Variants in SLCO1B3 observed in about 807,000 individuals in gnomAD.
The protein encoded by SLCO1B3 is liver-specific organic anion transporter 2.
Under a neutral mutation model 71.8 loss-of-function variants are expected in SLCO1B3, and 72 were observed. The ratio of observed to expected loss-of-function variants is 1.00; its 90% confidence interval spans 0.83 to 1.22. SLCO1B3 has a LOEUF of 1.22. Among genes scored for constraint, SLCO1B3 ranks in the 50% most tolerant of loss-of-function variants. SLCO1B3 has a pLI of 0.00. For missense variants in SLCO1B3, 911 were observed against 819.7 expected, an observed-to-expected ratio of 1.11 and a Z score of -1.36; for synonymous variants, 298 against 278.4, an observed-to-expected ratio of 1.07 and a Z score of -0.70.
intron 10 of SLCO1B3, among the ~76,000 whole-genome samples, chr12:20,878,981 G>C (rs937502765): frequency 2.0e-5 from 3 of 152,064 alleles, no homozygotes; most frequent in Non-Finnish European, 4.4e-5. Flanking sequence ...TTAGATGGTA[G>C]GATAGAAATC....
chr12:20,881,796 A>G (rs1284481925), intron 12 of SLCO1B3, among the ~76,000 whole-genome samples: 2 of 152,298 alleles, frequency 1.3e-5, no homozygotes, highest in Admixed American at 6.5e-5. Flanking sequence ...CACAAGTTGC[A>G]TAACTATTTT....
At position 20,901,368 on chromosome 12, in the gene SLCO1B3, T is replaced by A; in HGVS notation, c.1766T>A (p.Ile589Lys). The change falls in exon 15 of 16, where the codon ATA becomes AAA. Residue 589 changes from isoleucine (I) to lysine (K), a missense_variant. Coordinates refer to ENST00000381545, the MANE Select transcript of SLCO1B3 (RefSeq NM_019844.4). ...IRTLGGILAP[I>K]YFGALIDKTC... ...GTTGCAGGAGGAATTCTAGCTCCAATATATTTTGGGGCTCTGATTGATAAA... is the reference window on the plus strand; with the variant it reads ...GTTGCAGGAGGAATTCTAGCTCCAAAATATTTTGGGGCTCTGATTGATAAA... 6.3e-7 allele frequency: 1 copy of A among 1,579,668 alleles called. No homozygotes were observed. Among genetic ancestry groups the A allele is most frequent in the South Asian group, 1.2e-5 (1 of 83,502 alleles).
chr12:20,818,830 A>T (rs1049070812), intron 3 of SLCO1B3, among the ~76,000 whole-genome samples: 1 of 152,230 alleles, frequency 6.6e-6, no homozygotes, highest in African/African-American at 2.4e-5. Flanking sequence ...GATGAACATC[A>T]GGTGGATCAG....
At chr12:20,890,776 A>G (rs923780240) in intron 13 of SLCO1B3, among the ~76,000 whole-genome samples, 1 of 152,038 alleles carries the variant, frequency 6.6e-6, no homozygotes, top group Non-Finnish European at 1.5e-5. Flanking sequence ...CTTCTTTGTC[A>G]TTATTTATGG....
At chr12:20,859,339 G>A (rs6487161) in intron 5 of SLCO1B3, among the ~76,000 whole-genome samples, 110,125 of 151,994 alleles carry the variant, frequency 0.72, 42,481 homozygotes, top group South Asian at 0.9. Flanking sequence ...CCAGGCTTCC[G>A]TATTTCCAGC....
At chr12:20,821,246 T>TG (rs1864298343) in intron 3 of SLCO1B3, among the ~76,000 whole-genome samples, 1 of 152,176 alleles carries the variant, frequency 6.6e-6, no homozygotes, top group African/African-American at 2.4e-5. Context: ...TTGCCCGTTT[T>TG]ACGACAAGAA....
At chr12:20,837,700 A>T (rs1864712324) in intron 3 of SLCO1B3, among the ~76,000 whole-genome samples, 1 of 152,112 alleles carries the variant, frequency 6.6e-6, no homozygotes, top group Middle Eastern at 3.2e-3. Flanking sequence ...TTTTGAAAAT[A>T]AATTGGATAA....
chr12:20,841,465 A>G (rs10770749), intron 3 of SLCO1B3, among the ~76,000 whole-genome samples: 109,978 of 151,894 alleles, frequency 0.72, 42,396 homozygotes, highest in South Asian at 0.9. Flanking sequence ...CCAAATATGT[A>G]GGGATTCTTA....
intron 11 of SLCO1B3, 86 bp downstream of exon 11, chr12:20,879,717 A>G: frequency 3.4e-6 from 3 of 877,714 alleles, no homozygotes; most frequent in South Asian, 2.5e-5. Flanking sequence ...GTAGAAAACA[A>G]TTGTAATTAA....
intron 13 of SLCO1B3, among the ~76,000 whole-genome samples, chr12:20,894,313 A>G (rs535567592): frequency 1.3e-5 from 2 of 152,316 alleles, no homozygotes; most frequent in East Asian, 3.9e-4. Context: ...GCGTGTGCAC[A>G]TCAGTGAGGA....
intron 3 of SLCO1B3, among the ~76,000 whole-genome samples, chr12:20,840,783 A>G (rs1410355632): frequency 1.3e-5 from 2 of 152,178 alleles, no homozygotes; most frequent in African/African-American, 2.4e-5. Flanking sequence ...CCTTTACCTC[A>G]GGTCAGTTAA....
chr12:20,836,260 C>T (rs1425054342), intron 3 of SLCO1B3, among the ~76,000 whole-genome samples: 1 of 152,172 alleles, frequency 6.6e-6, no homozygotes, highest in Non-Finnish European at 1.5e-5. Flanking sequence ...TTATAAATAT[C>T]ATCTTTTCAA....
Position 20,916,254 on chromosome 12 carries a change from A to ATTGAT in SLCO1B3, c.*9_*13dup, listed in dbSNP as rs1184613416. On this transcript the variant is annotated 3_prime_UTR_variant, in exon 16 of 16. Transcript: ENST00000381545. Reference sequence around the variant, plus strand: ...CAATGCTGCTGCCAACTAACATTGCATTGATTCATTAAGATGTTATTTTTG... The same window carrying ATTGAT: ...CAATGCTGCTGCCAACTAACATTGCATTGATTTGATTCATTAAGATGTTATTTTTG... 1 of 1,610,026 alleles carries ATTGAT rather than the reference A, an allele frequency of 6.2e-7. No individual in the cohort carries two copies. Among genetic ancestry groups the ATTGAT allele is most frequent in the African/African-American group, 1.3e-5 (1 of 74,844 alleles).
intron 7 of SLCO1B3, 81 bp downstream of exon 7, chr12:20,862,639 TTTACC>T: frequency 6.8e-7 from 1 of 1,477,596 alleles, no homozygotes; most frequent in South Asian, 1.3e-5. Context: ...ATTTTTTTCT[TTTACC>T]TATTAGAAAA....
intron 3 of SLCO1B3, among the ~76,000 whole-genome samples, chr12:20,823,004 G>C (rs1384325401): frequency 6.6e-6 from 1 of 151,924 alleles, no homozygotes; most frequent in Non-Finnish European, 1.5e-5. Context: ...TTTATTCCTA[G>C]ACCAATAGAT....
At chr12:20,911,208 T>A (rs1866367661) in intron 15 of SLCO1B3, among the ~76,000 whole-genome samples, 1 of 152,200 alleles carries the variant, frequency 6.6e-6, no homozygotes, top group South Asian at 2.1e-4. Context: ...GATGTGATCA[T>A]GTGATTTTTT....
intron 13 of SLCO1B3, among the ~76,000 whole-genome samples, chr12:20,889,777 T>A (rs1865864976): frequency 6.6e-6 from 1 of 152,164 alleles, no homozygotes. Context: ...AGACGTGACA[T>A]TAGATTGTTA....
intron 13 of SLCO1B3, among the ~76,000 whole-genome samples, chr12:20,893,316 A>G (rs563392006): frequency 1.2e-4 from 18 of 152,308 alleles, no homozygotes; most frequent in African/African-American, 4.3e-4. Flanking sequence ...ACTAGGAAAA[A>G]GGGCAGAAAT....
rs768076879 is a variant in SLCO1B3 at position 20,901,474 on chromosome 12, T to C, written c.1865+7T>C. 1.4e-6 allele frequency: 2 copies of C among 1,385,370 alleles called. No homozygotes were observed. The highest frequency in any genetic ancestry group is 2.7e-5 in the South Asian group (2 of 74,302). 85.8% of individuals were successfully genotyped at this position (1,385,370 alleles called of 1,614,324 possible). ...ATAATTCCGTATTTTTTGGGTAAGT[T>C]GTCGTAAACACATTTCATTAATAGA... On this transcript the variant is annotated splice_region_variant and intron_variant, in intron 15 of 15. Transcript: ENST00000381545.
Sources: gnomAD v4.1 joint callset for allele counts (sites outside exome capture counted in the v4.1 genomes callset) on GRCh38, gnomAD v4.1.1 for gene constraint, MANE v1.5 for transcripts, NCBI Gene and HGNC (gene_info 2026-07-23, HGNC 2026-07-21) for gene names.